The following EPHA7 variants were observed in gnomAD, a reference collection of about 807,000 sequenced individuals.
EPHA7 encodes ephrin type-A receptor 7.
Under a neutral mutation model 112.6 loss-of-function variants are expected in EPHA7, and 25 were observed. The ratio of observed to expected loss-of-function variants is 0.22; its 90% confidence interval spans 0.16 to 0.31. The LOEUF is 0.31. EPHA7 is among the 10% of genes least tolerant of loss of function. The probability of loss-of-function intolerance (pLI) is 1.00; values close to 1 mark genes in which losing one functional copy is unlikely to be tolerated. For synonymous variants in EPHA7, 437 were observed against 406.5 expected, an observed-to-expected ratio of 1.07 and a Z score of -0.90; for missense variants, 962 against 1,212.6, an observed-to-expected ratio of 0.79 and a Z score of 3.07.
chr6:93,381,492 G>A (rs185084162), intron 3 of EPHA7, among the ~76,000 whole-genome samples: 1 of 151,908 alleles, frequency 6.6e-6, no homozygotes, highest in South Asian at 2.1e-4. Context: ...AGGATTTTTT[G>A]AGTTATTCTA....
At chr6:93,325,909 T>C (rs1774295901) in intron 5 of EPHA7, among the ~76,000 whole-genome samples, 1 of 151,418 alleles carries the variant, frequency 6.6e-6, no homozygotes, top group African/African-American at 2.4e-5. Flanking sequence ...ATTATCTGTT[T>C]GCTCTGCTGG....
rs1356700106 is a variant in EPHA7 at position 93,264,601 on chromosome 6, C to A, written c.1735G>T (p.Gly579Trp). Residue 579 changes from glycine (G) to tryptophan (W), a missense_variant, in exon 8 of 17, where the codon GGG (glycine) becomes TGG (tryptophan). By Grantham distance (184) the Gly-to-Trp change is radical. Around this residue, in one of 3 missense-constraint regions of EPHA7, gnomAD observed 746 missense variants for 889.2 expected, o/e 0.84. Coordinates refer to ENST00000369303, the MANE Select transcript of EPHA7 (RefSeq NM_004440.4). Reference protein sequence around the residue: ...LVFMVFGFIIGRRHCGYSKAD... With the variant: ...LVFMVFGFIIWRRHCGYSKAD... ...AACAACTTTGTGTTCTACCTTCTCC[C>A]AATGATGAAGCCAAAGACCATGAAC... is the stretch of plus-strand genomic sequence containing the variant. 1 of 1,598,998 alleles carries A rather than the reference C, an allele frequency of 6.3e-7. No individual in the cohort carries two copies. The highest frequency in any genetic ancestry group is 8.5e-7 in the Non-Finnish European group (1 of 1,169,852).
intron 2 of EPHA7, among the ~76,000 whole-genome samples, chr6:93,412,637 T>G (rs928434792): frequency 2.0e-5 from 3 of 152,092 alleles, no homozygotes; most frequent in African/African-American, 7.2e-5. Flanking sequence ...GCCTACAATC[T>G]GAATGGCAAT....
At chr6:93,387,966 G>GATAGATAGATAGA (rs1777709570) in intron 3 of EPHA7, among the ~76,000 whole-genome samples, 1 of 147,484 alleles carries the variant, frequency 6.8e-6, no homozygotes, top group African/African-American at 2.5e-5. Flanking sequence ...TAGATAGATA[G>GATAGATAGATAGA]ATAGATAGAT....
intron 1 of EPHA7, among the ~76,000 whole-genome samples, chr6:93,417,096 GA>G (rs1337316184): frequency 6.6e-6 from 1 of 152,174 alleles, no homozygotes; most frequent in Non-Finnish European, 1.5e-5. Context: ...TTTACGGAGA[GA>G]AAAAGTAAGC....
chr6:93,283,580 C>T (rs1771888315), intron 5 of EPHA7, among the ~76,000 whole-genome samples: 1 of 152,086 alleles, frequency 6.6e-6, no homozygotes, highest in Non-Finnish European at 1.5e-5. Flanking sequence ...GAACGAACAA[C>T]TCCAGACGCA....
intron 3 of EPHA7, among the ~76,000 whole-genome samples, chr6:93,400,631 G>A (rs1778394528): frequency 6.6e-6 from 1 of 151,936 alleles, no homozygotes; most frequent in Non-Finnish European, 1.5e-5. Flanking sequence ...TCAACCTCCT[G>A]GGTTGGAGTA....
At chr6:93,322,220 TGTAAA>T (rs1774108766) in intron 5 of EPHA7, among the ~76,000 whole-genome samples, 1 of 151,790 alleles carries the variant, frequency 6.6e-6, no homozygotes, top group African/African-American at 2.4e-5. Flanking sequence ...ATTATATATC[TGTAAA>T]GTATACTATA....
At chr6:93,290,846 C>T (rs1157899051) in intron 5 of EPHA7, among the ~76,000 whole-genome samples, 1 of 152,116 alleles carries the variant, frequency 6.6e-6, no homozygotes, top group Non-Finnish European at 1.5e-5. Context: ...GCAAAAGTCA[C>T]ACAAATGACT....
At position 93,243,546 on chromosome 6, in the gene EPHA7, A is replaced by G. The variant is rs1241262204; in HGVS notation, c.2883-6T>C. The G allele has an allele frequency of 1.3e-6, 2 of 1,599,252 alleles. No homozygotes were observed. Among genetic ancestry groups the G allele is most frequent in the African/African-American group, 2.7e-5 (2 of 74,636 alleles). On this transcript the variant is annotated splice_region_variant and splice_polypyrimidine_tract_variant and intron_variant, in intron 16 of 16. Transcript: ENST00000369303. ...TCCCTAAACTCATCACATCCCTGAA[A>G]AAGACAAATGCACTTTTTATTAGGT...
At chr6:93,341,307 T>C (rs975983176) in intron 5 of EPHA7, among the ~76,000 whole-genome samples, 2 of 151,932 alleles carry the variant, frequency 1.3e-5, no homozygotes, top group Admixed American at 6.6e-5. Context: ...ATACAAATCA[T>C]AAAACATTTA....
At position 93,396,327 on chromosome 6, in the gene EPHA7, A is replaced by G. The variant is rs191460011; in HGVS notation, c.832+14174T>C. On this transcript the variant is annotated intron_variant, in intron 3 of 16. Transcript: ENST00000369303. ...TTTATATAAACTGTTACTGACAACC[A>G]TATTTTAAAATGTACATACCTGAAA... Among the ~76,000 whole-genome samples the G allele has an allele frequency of 2.6e-5, 4 of 151,972 alleles. No individual in the cohort carries two copies. The East Asian group carries it at 7.8e-4, about 29-fold the overall frequency.
At chr6:93,264,524 T>A in intron 8 of EPHA7, 70 bp downstream of exon 8, 2 of 963,344 alleles carry the variant, frequency 2.1e-6, no homozygotes, top group Non-Finnish European at 3.2e-6. Context: ...TTACACTAAG[T>A]AATAGGCTGA....
chr6:93,359,870 GAGAGAGATAGATAGATAGAT>G (rs1420656644), intron 3 of EPHA7, among the ~76,000 whole-genome samples: 4 of 131,132 alleles, frequency 3.1e-5, no homozygotes, highest in Non-Finnish European at 5.0e-5. Flanking sequence ...GAGAGAGAGA[GAGAGAGATAGATAGATAGAT>G]AGATAGATAG....
chr6:93,243,066 A>G lies in EPHA7; in HGVS notation c.*360T>C, dbSNP rs1769752452. 1 of 231,182 alleles carries G rather than the reference A, an allele frequency of 4.3e-6. No individual in the cohort carries two copies. Among genetic ancestry groups the G allele is most frequent in the South Asian group, 1.8e-4 (1 of 5,556 alleles). The allele number at this position is 231,182 out of a possible 1,614,324, so 14.3% of individuals were successfully genotyped here. On this transcript the variant is annotated 3_prime_UTR_variant, in exon 17 of 17. Coordinates refer to ENST00000369303, the MANE Select transcript of EPHA7 (RefSeq NM_004440.4). ...AGGAAAATATTTCATTAATTTTAAC[A>G]ATAAGATCATGATTTTATTTGACAA...
At chr6:93,340,494 T>A (rs1199800378) in intron 5 of EPHA7, among the ~76,000 whole-genome samples, 14 of 151,822 alleles carry the variant, frequency 9.2e-5, no homozygotes, top group Admixed American at 8.6e-4. Context: ...TCAAAGGAAA[T>A]GCTCATTCAA....
At chr6:93,411,214 A>T (rs753775313) in intron 2 of EPHA7, 44 bp from the exon 3 acceptor site, 2 of 1,525,914 alleles carry the variant, frequency 1.3e-6, no homozygotes, top group Non-Finnish European at 8.9e-7. Context: ...AGCAAAAAAT[A>T]ACATTTTGCT....
intron 3 of EPHA7, among the ~76,000 whole-genome samples, chr6:93,408,046 T>C (rs1014813999): frequency 1.3e-5 from 2 of 152,144 alleles, no homozygotes; most frequent in African/African-American, 4.8e-5. Context: ...AGTTAAATTA[T>C]ACAAAGTGAA....
intron 1 of EPHA7, among the ~76,000 whole-genome samples, chr6:93,415,772 GGC>G (rs1779191717): frequency 1.3e-5 from 2 of 151,852 alleles, no homozygotes; most frequent in Admixed American, 1.3e-4. Flanking sequence ...TATGTCAATA[GGC>G]TTAACATCAG....
Sources: allele counts gnomAD v4.1 joint callset (sites outside exome capture counted in the v4.1 genomes callset), GRCh38; gene constraint gnomAD v4.1.1; regional missense constraint gnomAD v4.1.1; transcripts MANE v1.5; gene names NCBI Gene and HGNC (gene_info 2026-07-23, HGNC 2026-07-21).